GPC5: variants seen among roughly 807,000 people sequenced by gnomAD.
GPC5 encodes the protein glypican 5, also known as glypican-5.
In GPC5, 47 loss-of-function variants were observed where a neutral mutation model predicts 53.9. The observed-to-expected ratio is 0.87, with a 90% confidence interval of 0.69 to 1.11. The LOEUF (loss-of-function observed/expected upper bound fraction) is 1.11. Among genes scored for constraint, GPC5 ranks in the 50% most tolerant of loss-of-function variants. GPC5 has a pLI of 0.00. For missense variants in GPC5, 748 were observed against 713.1 expected, an observed-to-expected ratio of 1.05 and a Z score of -0.56; for synonymous variants, 286 against 263.3, an observed-to-expected ratio of 1.09 and a Z score of -0.84.
chr13:92,726,755 C>CTTTGTTTATA (rs1187706382), intron 7 of GPC5, among the ~76,000 whole-genome samples: 1 of 151,406 alleles, frequency 6.6e-6, no homozygotes, highest in Non-Finnish European at 1.5e-5. Context: ...AAGCTATAAA[C>CTTTGTTTATA]TACATATAAG....
At chr13:91,721,024 C>T (rs1423571625) in intron 3 of GPC5, among the ~76,000 whole-genome samples, 1 of 152,200 alleles carries the variant, frequency 6.6e-6, no homozygotes, top group East Asian at 1.9e-4. Flanking sequence ...TAGCTGGATT[C>T]ACTATTTTTA....
intron 7 of GPC5, among the ~76,000 whole-genome samples, chr13:92,187,484 A>G (rs2042192484): frequency 6.6e-6 from 1 of 152,182 alleles, no homozygotes; most frequent in Non-Finnish European, 1.5e-5. Context: ...GTCAATGCTT[A>G]AAAATACCCT....
At chr13:92,398,654 T>C (rs1218175251) in intron 7 of GPC5, among the ~76,000 whole-genome samples, 1 of 152,118 alleles carries the variant, frequency 6.6e-6, no homozygotes, top group Admixed American at 6.5e-5. Flanking sequence ...AAGTTAAATC[T>C]CAATAGATTC....
intron 6 of GPC5, among the ~76,000 whole-genome samples, chr13:92,013,727 C>T (rs1416028817): frequency 6.6e-6 from 1 of 152,090 alleles, no homozygotes; most frequent in Non-Finnish European, 1.5e-5. Flanking sequence ...CCAGCAATAA[C>T]GTACCCAACT....
At chr13:92,225,175 G>C (rs754505166) in intron 7 of GPC5, among the ~76,000 whole-genome samples, 3 of 152,166 alleles carry the variant, frequency 2.0e-5, no homozygotes, top group Non-Finnish European at 4.4e-5. Flanking sequence ...TTCCTGGCTG[G>C]AAATGGCTCT....
intron 7 of GPC5, among the ~76,000 whole-genome samples, chr13:92,740,797 G>A (rs913867645): frequency 4.0e-5 from 6 of 151,246 alleles, no homozygotes; most frequent in Non-Finnish European, 5.9e-5. Flanking sequence ...AAAGCAAGGG[G>A]TAGGATGATT....
chr13:92,449,697 A>G (rs913189123), intron 7 of GPC5, among the ~76,000 whole-genome samples: 4 of 152,174 alleles, frequency 2.6e-5, no homozygotes, highest in African/African-American at 9.7e-5. Context: ...TTTCATGAAT[A>G]CTGAAAATCA....
chr13:92,138,135 G>C (rs1050481626), intron 6 of GPC5, among the ~76,000 whole-genome samples: 3 of 152,126 alleles, frequency 2.0e-5, no homozygotes, highest in Non-Finnish European at 4.4e-5. Flanking sequence ...ATATGGGACA[G>C]CTATTCATGT....
At chr13:92,286,355 A>C (rs1266498068) in intron 7 of GPC5, among the ~76,000 whole-genome samples, 1 of 152,182 alleles carries the variant, frequency 6.6e-6, no homozygotes, top group Non-Finnish European at 1.5e-5. Context: ...AGAACTAGAA[A>C]TACCATTTGA....
chr13:92,537,618 G>A (rs1385596825), intron 7 of GPC5, among the ~76,000 whole-genome samples: 3 of 152,004 alleles, frequency 2.0e-5, no homozygotes, highest in Non-Finnish European at 4.4e-5. Flanking sequence ...TCTCCTAGGT[G>A]TACTAGTACA....
chr13:92,040,186 A>T (rs544419287), intron 6 of GPC5, among the ~76,000 whole-genome samples: 4 of 152,220 alleles, frequency 2.6e-5, no homozygotes, highest in African/African-American at 4.8e-5. Flanking sequence ...AAAAAAATCA[A>T]TTCCTAGCCA....
intron 7 of GPC5, among the ~76,000 whole-genome samples, chr13:92,814,367 A>C (rs1487248392): frequency 6.6e-6 from 1 of 152,118 alleles, no homozygotes; most frequent in East Asian, 1.9e-4. Flanking sequence ...AAAATTAAAA[A>C]TAAACTTCAT....
At chr13:92,319,073 C>T (rs868501298) in intron 7 of GPC5, among the ~76,000 whole-genome samples, 9 of 152,182 alleles carry the variant, frequency 5.9e-5, no homozygotes, top group Middle Eastern at 6.8e-3. Flanking sequence ...ATTTTCTCTT[C>T]CAGCTGGTGG....
intron 7 of GPC5, among the ~76,000 whole-genome samples, chr13:92,215,820 C>T (rs2209651): frequency 0.16 from 24,099 of 152,124 alleles, 2,298 homozygotes; most frequent in Admixed American, 0.21. Flanking sequence ...TGTTTGTTAA[C>T]GGTGTGTGAT....
Position 91,706,664 on chromosome 13 carries a change from A to G in GPC5, c.1020+12783A>G, listed in dbSNP as rs115149866. Among the ~76,000 whole-genome samples, 178 of 152,272 alleles carry G rather than the reference A, an allele frequency of 1.2e-3. 1 individual carries two copies. The highest frequency in any genetic ancestry group is 3.7e-3 in the African/African-American group (153 of 41,560). Reference sequence around the variant, plus strand: ...TTGTTGGGAAGTGTTAGAAACTTGAATTCATTTAACTGCTCCCCAAGTAGG... The same window carrying G: ...TTGTTGGGAAGTGTTAGAAACTTGAGTTCATTTAACTGCTCCCCAAGTAGG... On this transcript the variant is annotated intron_variant, in intron 3 of 7. Transcript: ENST00000377067.
chr13:91,989,663 C>T (rs1314993090), intron 6 of GPC5, among the ~76,000 whole-genome samples: 1 of 152,128 alleles, frequency 6.6e-6, no homozygotes, highest in Non-Finnish European at 1.5e-5. Context: ...TCTCTCAGAA[C>T]TTTGAATCAT....
chr13:92,418,608 A>G (rs1876424166), intron 7 of GPC5, among the ~76,000 whole-genome samples: 1 of 152,146 alleles, frequency 6.6e-6, no homozygotes, highest in African/African-American at 2.4e-5. Context: ...AGGTTATAAT[A>G]TATGCTCATA....
rs142702295 is a variant in GPC5 at position 91,532,588 on chromosome 13, G to A, written c.325+83666G>A. On this transcript the variant is annotated intron_variant, in intron 2 of 7. Transcript: ENST00000377067. ...ATGATGAAATGATGCAAAGTAGGCCGGGCACAGTGGTTCACACCTGTAATC... is the reference window on the plus strand; with the variant it reads ...ATGATGAAATGATGCAAAGTAGGCCAGGCACAGTGGTTCACACCTGTAATC... 3.8e-3 allele frequency among the ~76,000 whole-genome samples: 579 copies of A among 152,198 alleles called. 3 individuals are homozygous for A. The highest frequency in any genetic ancestry group is 0.014 in the Middle Eastern group (4 of 294).
intron 7 of GPC5, among the ~76,000 whole-genome samples, chr13:92,314,712 G>T (rs987787178): frequency 1.3e-5 from 2 of 152,200 alleles, no homozygotes; most frequent in Non-Finnish European, 2.9e-5. Flanking sequence ...ATTAAATTCT[G>T]CAGATGAAGA....
Sources: allele counts gnomAD v4.1 joint callset (sites outside exome capture counted in the v4.1 genomes callset), GRCh38; gene constraint gnomAD v4.1.1; transcripts MANE v1.5; gene names NCBI Gene and HGNC (gene_info 2026-07-23, HGNC 2026-07-21).